The following CDIN1 variants were observed in gnomAD, a reference collection of about 807,000 sequenced individuals.
CDIN1 encodes the protein CDAN1 interacting nuclease 1.
A neutral mutation model predicts 45.3 loss-of-function variants in CDIN1; 33 were observed. That is an observed-to-expected ratio of 0.73 (90% confidence interval 0.55 to 0.97). The LOEUF is 0.97. Ranked by LOEUF, CDIN1 falls within the 50% of genes least tolerant of loss-of-function variation. The pLI is 0.00. For missense variants in CDIN1, 303 were observed against 339.4 expected (o/e 0.89, Z 0.84); for synonymous variants, 118 against 124.4 (o/e 0.95, Z 0.34).
chr15:36,733,907 A>G (rs2043921619), intron 10 of CDIN1, among the ~76,000 whole-genome samples: 1 of 152,176 alleles, frequency 6.6e-6, no homozygotes, highest in African/African-American at 2.4e-5. Context: ...TGGAAAATAG[A>G]TTTAATTAAA....
At chr15:36,795,344 C>A (rs889116110) in intron 10 of CDIN1, among the ~76,000 whole-genome samples, 1 of 152,088 alleles carries the variant, frequency 6.6e-6, no homozygotes, top group Non-Finnish European at 1.5e-5. Flanking sequence ...AATGGATACC[C>A]TAAATTATCT....
intron 5 of CDIN1, among the ~76,000 whole-genome samples, chr15:36,669,967 G>A (rs1239969077): frequency 6.6e-6 from 1 of 151,790 alleles, no homozygotes; most frequent in East Asian, 1.9e-4. Flanking sequence ...TCTCTTCTTT[G>A]GAAGCAAGTC....
intron 1 of CDIN1, among the ~76,000 whole-genome samples, chr15:36,602,814 TA>T (rs1198722461): frequency 1.3e-5 from 2 of 150,876 alleles, no homozygotes; most frequent in African/African-American, 2.4e-5. Flanking sequence ...CCGTCTCTAC[TA>T]AAAAAAAATA....
At chr15:36,726,913 G>C (rs189261624) in intron 10 of CDIN1, among the ~76,000 whole-genome samples, 2 of 152,068 alleles carry the variant, frequency 1.3e-5, no homozygotes, top group East Asian at 3.9e-4. Flanking sequence ...ATTCACCCCA[G>C]CTACACAAGT....
intron 5 of CDIN1, among the ~76,000 whole-genome samples, chr15:36,677,666 A>C (rs919477108): frequency 3.3e-5 from 5 of 152,210 alleles, no homozygotes; most frequent in Admixed American, 1.3e-4. Context: ...ATTGATACAC[A>C]ATATGAGTTC....
At chr15:36,746,482 C>T (rs2044437274) in intron 10 of CDIN1, among the ~76,000 whole-genome samples, 2 of 152,022 alleles carry the variant, frequency 1.3e-5, no homozygotes, top group South Asian at 4.2e-4. Flanking sequence ...ATATTCAGTA[C>T]CATTTAAATC....
intron 1 of CDIN1, among the ~76,000 whole-genome samples, chr15:36,638,531 T>C (rs1272664550): frequency 6.6e-6 from 1 of 152,182 alleles, no homozygotes; most frequent in East Asian, 1.9e-4. Context: ...TGCAATCAGA[T>C]AGAGACACTT....
chr15:36,762,049 G>A (rs1438516551), intron 10 of CDIN1, among the ~76,000 whole-genome samples: 1 of 152,140 alleles, frequency 6.6e-6, no homozygotes, highest in Non-Finnish European at 1.5e-5. Flanking sequence ...TAGAATATCA[G>A]TAGGACCAAC....
At chr15:36,761,624 C>T (rs1019189010) in intron 10 of CDIN1, among the ~76,000 whole-genome samples, 2 of 152,156 alleles carry the variant, frequency 1.3e-5, no homozygotes, top group Non-Finnish European at 2.9e-5. Context: ...CTGGAAGAAG[C>T]TCTTGTGGGC....
chr15:36,742,332 T>A (rs2044267598), intron 10 of CDIN1, among the ~76,000 whole-genome samples: 1 of 152,210 alleles, frequency 6.6e-6, no homozygotes, highest in Non-Finnish European at 1.5e-5. Flanking sequence ...AACATCAACA[T>A]GTTCTAATGC....
intron 10 of CDIN1, among the ~76,000 whole-genome samples, chr15:36,793,124 A>G (rs1300352247): frequency 1.3e-5 from 2 of 152,158 alleles, no homozygotes; most frequent in Non-Finnish European, 2.9e-5. Context: ...GTAAGAGTTA[A>G]GTGCTTCCTT....
intron 4 of CDIN1, 41 bp from the exon 5 acceptor site, chr15:36,657,792 A>G (rs1300052042): frequency 1.3e-6 from 2 of 1,528,462 alleles, no homozygotes; most frequent in Non-Finnish European, 1.8e-6. Flanking sequence ...CACTGCTCGC[A>G]CAACTTGATA....
intron 10 of CDIN1, among the ~76,000 whole-genome samples, chr15:36,764,154 C>T (rs1340660941): frequency 6.6e-6 from 1 of 151,616 alleles, no homozygotes; most frequent in Non-Finnish European, 1.5e-5. Context: ...ATAGGCCAAT[C>T]CAGAAATCCA....
intron 1 of CDIN1, chr15:36,617,602 G>C: frequency 2.6e-6 from 2 of 775,356 alleles, no homozygotes; most frequent in Admixed American, 1.7e-5. Flanking sequence ...AGACCCTGAT[G>C]TAATTCTTGA....
At chr15:36,755,349 C>G (rs1018765810) in intron 10 of CDIN1, among the ~76,000 whole-genome samples, 1 of 152,118 alleles carries the variant, frequency 6.6e-6, no homozygotes, top group Non-Finnish European at 1.5e-5. Flanking sequence ...TTTCCTTTTT[C>G]TAAACAGCAA....
At chr15:36,673,617 C>G (rs1301067602) in intron 5 of CDIN1, among the ~76,000 whole-genome samples, 1 of 151,978 alleles carries the variant, frequency 6.6e-6, no homozygotes, top group Non-Finnish European at 1.5e-5. Flanking sequence ...TGTACCAAAC[C>G]AGCCAGTATG....
chr15:36,591,089 A>G (rs1357761260), intron 1 of CDIN1, among the ~76,000 whole-genome samples: 2 of 152,154 alleles, frequency 1.3e-5, no homozygotes, highest in Non-Finnish European at 1.5e-5. Context: ...CCTGTGGCAC[A>G]CCTTATCTTC....
At chr15:36,631,284 T>G (rs2039668222) in intron 1 of CDIN1, among the ~76,000 whole-genome samples, 1 of 152,172 alleles carries the variant, frequency 6.6e-6, no homozygotes, top group South Asian at 2.1e-4. Flanking sequence ...TACCATAAAT[T>G]TCACTCTTTA....
At chr15:36,657,748 T>C (rs1439652099) in intron 4 of CDIN1, 85 bp from the exon 5 acceptor site, 3 of 1,047,942 alleles carry the variant, frequency 2.9e-6, no homozygotes, top group Non-Finnish European at 2.8e-6. Context: ...TAAAATTGAC[T>C]TATTCTTCAG....
Sources: allele counts gnomAD v4.1 joint callset (sites outside exome capture counted in the v4.1 genomes callset), GRCh38; gene constraint gnomAD v4.1.1; transcripts MANE v1.5; gene names NCBI Gene and HGNC (gene_info 2026-07-23, HGNC 2026-07-21).